The following SLC4A4 variants were observed in gnomAD, a reference collection of about 807,000 sequenced individuals.
SLC4A4 encodes the protein electrogenic sodium bicarbonate cotransporter 1.
A neutral mutation model predicts 111.5 loss-of-function variants in SLC4A4; 27 were observed. That is an observed-to-expected ratio of 0.24 (90% CI 0.18 to 0.33). The LOEUF is 0.33. Among genes scored for constraint, SLC4A4 ranks in the 10% least tolerant of loss-of-function variants. SLC4A4 has a pLI of 1.00. For missense variants in SLC4A4, 909 were observed against 1,315.5 expected (o/e 0.69, Z 4.78); for synonymous variants, 443 against 463.4 (o/e 0.96, Z 0.57).
intron 14 of SLC4A4, 61 bp from the exon 15 acceptor site, chr4:71,486,887 G>T (rs560098551): frequency 3.7e-5 from 33 of 883,688 alleles, no homozygotes; most frequent in Non-Finnish European, 5.6e-5. Context: ...ACCTAATTAT[G>T]CATTTAAGGT....
intron 1 of SLC4A4, among the ~76,000 whole-genome samples, chr4:71,219,519 G>A (rs1716684296): frequency 6.6e-6 from 1 of 152,160 alleles, no homozygotes; most frequent in East Asian, 1.9e-4. Flanking sequence ...TTTTATGTGT[G>A]CTAAAATAAC....
chr4:71,451,266 A>T lies in SLC4A4; in HGVS notation c.1287A>T (p.Gly429=). The change falls in exon 11 of 26, where the codon GGA becomes GGT. Residue 429 remains glycine (G), a synonymous_variant. Coordinates refer to ENST00000264485, the MANE Select transcript of SLC4A4 (RefSeq NM_001098484.3). ...ATGATGGAGGTCACGGAGGAGGAGG[A>T]CATGGGGATTGTGAAGAATTGCAGC... ...TPHDGGHGGG[G]HGDCEELQRT... 1.9e-6 allele frequency: 3 copies of T among 1,613,150 alleles called. No individual in the cohort carries two copies. The highest frequency in any genetic ancestry group is 2.5e-6 in the Non-Finnish European group (3 of 1,179,156).
chr4:71,106,102 A>C (rs924926837), intron 2 of SLC4A4, among the ~76,000 whole-genome samples: 1 of 150,572 alleles, frequency 6.6e-6, no homozygotes, highest in Non-Finnish European at 1.5e-5. Context: ...CCCATCAAAA[A>C]GTGGGCGAAG....
At chr4:71,202,834 A>C (rs1438436955) in intron 1 of SLC4A4, among the ~76,000 whole-genome samples, 3 of 152,218 alleles carry the variant, frequency 2.0e-5, no homozygotes, top group Admixed American at 6.5e-5. Context: ...TCAAGCTGTC[A>C]ACAAGAAATT....
intron 20 of SLC4A4, among the ~76,000 whole-genome samples, chr4:71,549,166 C>A (rs558727579): frequency 1.1e-3 from 166 of 151,956 alleles, no homozygotes; most frequent in Middle Eastern, 3.4e-3. Context: ...AACCTTTTGT[C>A]ACCTTTGCCA....
At chr4:71,300,132 C>T (rs1432741970) in intron 3 of SLC4A4, 1 of 159,308 alleles carries the variant, frequency 6.3e-6, no homozygotes, top group African/African-American at 2.4e-5. Flanking sequence ...TCTCACTTCT[C>T]CAGCTTTTCT....
intron 2 of SLC4A4, among the ~76,000 whole-genome samples, chr4:71,112,136 C>T (rs946255423): frequency 6.6e-6 from 1 of 152,232 alleles, no homozygotes. Flanking sequence ...CTTCCTTCCA[C>T]TCTGGCTGCT....
chr4:71,288,334 T>C (rs1311074787), intron 3 of SLC4A4, among the ~76,000 whole-genome samples: 2 of 152,272 alleles, frequency 1.3e-5, no homozygotes, highest in African/African-American at 4.8e-5. Flanking sequence ...TGCTTTTTGA[T>C]AGAGACAGTC....
intron 3 of SLC4A4, chr4:71,300,995 T>TG: frequency 4.3e-6 from 2 of 464,408 alleles, no homozygotes; most frequent in Non-Finnish European, 8.8e-6. Flanking sequence ...AGTGCCAGAG[T>TG]GGGGGCCCCC....
chr4:71,327,882 A>G (rs1256607644), intron 3 of SLC4A4, among the ~76,000 whole-genome samples: 1 of 151,948 alleles, frequency 6.6e-6, no homozygotes, highest in Non-Finnish European at 1.5e-5. Context: ...ATAAATAATT[A>G]TTCATTGTAG....
intron 2 of SLC4A4, among the ~76,000 whole-genome samples, chr4:71,152,087 G>A (rs1744326533): frequency 6.6e-6 from 1 of 151,958 alleles, no homozygotes; most frequent in South Asian, 2.1e-4. Context: ...TATATAATGT[G>A]TATCTATAAA....
At chr4:71,102,000 G>A (rs1166542417) in intron 2 of SLC4A4, among the ~76,000 whole-genome samples, 1 of 150,796 alleles carries the variant, frequency 6.6e-6, no homozygotes, top group African/African-American at 2.4e-5. Flanking sequence ...TCAAACCAAA[G>A]GCAAAGAAGT....
chr4:71,283,330 G>C (rs1349756371), intron 3 of SLC4A4, among the ~76,000 whole-genome samples: 3 of 152,140 alleles, frequency 2.0e-5, no homozygotes, highest in Non-Finnish European at 4.4e-5. Context: ...GAGAATCTAG[G>C]TACAGAGTGT....
intron 21 of SLC4A4, among the ~76,000 whole-genome samples, chr4:71,557,025 G>A (rs1736535232): frequency 6.6e-6 from 1 of 151,894 alleles, no homozygotes; most frequent in Non-Finnish European, 1.5e-5. Context: ...ACACACAGAT[G>A]CTCAGTAGTT....
chr4:71,567,744 G>A, intron 25 of SLC4A4, 44 bp from the exon 26 acceptor site: 4 of 912,426 alleles, frequency 4.4e-6, no homozygotes, highest in South Asian at 3.2e-5. Flanking sequence ...GATGATGAAG[G>A]AAATCTGATT....
intron 2 of SLC4A4, among the ~76,000 whole-genome samples, chr4:71,099,055 C>T (rs2148945049): frequency 6.6e-6 from 1 of 152,172 alleles, no homozygotes; most frequent in South Asian, 2.1e-4. Flanking sequence ...ATCATTGACG[C>T]AGAACATTAA....
At chr4:71,484,128 G>A (rs1373991319) in intron 14 of SLC4A4, among the ~76,000 whole-genome samples, 1 of 151,712 alleles carries the variant, frequency 6.6e-6, no homozygotes, top group African/African-American at 2.4e-5. Context: ...TAGGTTGTTT[G>A]TTTACTCTGT....
intron 12 of SLC4A4, among the ~76,000 whole-genome samples, chr4:71,458,472 C>G (rs1437426842): frequency 6.6e-6 from 1 of 151,842 alleles, no homozygotes; most frequent in Non-Finnish European, 1.5e-5. Context: ...AATTTTTTTC[C>G]AGGAGTAAAT....
chr4:71,171,415 G>A lies in SLC4A4; in HGVS notation c.-1-65161G>A, dbSNP rs906667825. ...AGCCTAGTTACAGAACCCTGGCTTC[G>A]TAACTTTGGTACTTGAGTGACTTGA... On this transcript the variant is annotated intron_variant, in intron 2 of 26. Coordinates refer to the SLC4A4 transcript ENST00000649996. Among the ~76,000 whole-genome samples, 7 of 152,130 alleles carry A rather than the reference G, an allele frequency of 4.6e-5. No individual in the cohort carries two copies. In the East Asian group the frequency reaches 5.8e-4, roughly 13 times the overall value.
Sources: allele counts gnomAD v4.1 joint callset (sites outside exome capture counted in the v4.1 genomes callset), GRCh38; gene constraint gnomAD v4.1.1; transcripts MANE v1.5; gene names NCBI Gene and HGNC (gene_info 2026-07-23, HGNC 2026-07-21).